FYN: variants seen among roughly 807,000 people sequenced by gnomAD.
FYN encodes the protein tyrosine-protein kinase Fyn.
Under a neutral mutation model 70.2 loss-of-function variants are expected in FYN, and 10 were observed. The ratio of observed to expected loss-of-function variants is 0.14; its 90% CI spans 0.09 to 0.24. The LOEUF is 0.24. Ranked by LOEUF, FYN falls within the 10% of genes least tolerant of loss-of-function variation. The pLI is 1.00. For synonymous variants in FYN, 236 were observed against 248.6 expected, an observed-to-expected ratio of 0.95 and a Z score of 0.48; for missense variants, 319 against 673.1, an observed-to-expected ratio of 0.47 and a Z score of 5.82.
chr6:111,738,592 C>T (rs928525945), intron 3 of FYN, among the ~76,000 whole-genome samples: 3 of 152,230 alleles, frequency 2.0e-5, no homozygotes, highest in African/African-American at 7.2e-5. Context: ...CAGCTGCCTG[C>T]TCTTCCCTCT....
intron 1 of FYN, among the ~76,000 whole-genome samples, chr6:111,851,125 A>G (rs1773674193): frequency 6.6e-6 from 1 of 152,190 alleles, no homozygotes; most frequent in Non-Finnish European, 1.5e-5. Flanking sequence ...AGACATTGGT[A>G]CTACCCCAGG....
At chr6:111,785,107 G>A (rs1473035280) in intron 2 of FYN, among the ~76,000 whole-genome samples, 1 of 152,182 alleles carries the variant, frequency 6.6e-6, no homozygotes, top group Non-Finnish European at 1.5e-5. Flanking sequence ...CTATCAAGGA[G>A]TGGAAGAACA....
chr6:111,869,144 C>G (rs1431912958), intron 1 of FYN, among the ~76,000 whole-genome samples: 1 of 152,186 alleles, frequency 6.6e-6, no homozygotes, highest in Non-Finnish European at 1.5e-5. Context: ...CTGTGGAGAA[C>G]AGGGACTACC....
rs935395775 is a variant in FYN, at chr6:111,796,940, T to C, written c.-81-16305A>G. On this transcript the variant is annotated intron_variant, in intron 2 of 13. Coordinates refer to ENST00000354650, the MANE Select transcript of FYN (RefSeq NM_002037.5). ...TCACCTGTCATGTGGTCATGTCTTA[T>C]CTGGAGGTTTTTCAATGGCAGGGGC... 3.3e-5 allele frequency among the ~76,000 whole-genome samples: 5 copies of C among 152,238 alleles called. No individual in the cohort carries two copies. The East Asian group carries it at 9.6e-4, about 29-fold the overall frequency.
At chr6:111,786,402 T>C (rs1376787155) in intron 2 of FYN, among the ~76,000 whole-genome samples, 2 of 152,262 alleles carry the variant, frequency 1.3e-5, no homozygotes, top group Admixed American at 6.5e-5. Context: ...TCCTTTTTTA[T>C]GGCTGCATAG....
chr6:111,695,953 A>G (rs770110129), intron 10 of FYN, among the ~76,000 whole-genome samples: 6 of 152,244 alleles, frequency 3.9e-5, no homozygotes, highest in Non-Finnish European at 7.3e-5. Flanking sequence ...TACTACATTC[A>G]AAATAACAGC....
rs1036954400 is a variant in FYN at position 111,670,124 on chromosome 6, A to G, written c.1405+4375T>C. 9.9e-5 allele frequency among the ~76,000 whole-genome samples: 15 copies of G among 152,252 alleles called. 1 individual carries two copies. Among genetic ancestry groups the G allele is most frequent in the East Asian group, 5.8e-4 (3 of 5,164 alleles). The stretch of plus-strand genomic sequence containing the variant: ...AGAAATCATGTCACTCTCCTGCTCA[A>G]ATCCCCTCACTTCCCACCTCACTAA... On this transcript the variant is annotated intron_variant, in intron 13 of 13. Coordinates refer to ENST00000354650, the MANE Select transcript of FYN (RefSeq NM_002037.5).
At chr6:111,804,878 C>A (rs1209957043) in intron 2 of FYN, among the ~76,000 whole-genome samples, 2 of 152,284 alleles carry the variant, frequency 1.3e-5, no homozygotes, top group Admixed American at 1.3e-4. Context: ...CTTCGCTGGT[C>A]ATTTCTCCTG....
At chr6:111,814,217 GT>G (rs1772414269) in intron 2 of FYN, 1 of 152,096 alleles carries the variant, frequency 6.6e-6, no homozygotes, top group Admixed American at 6.5e-5. Context: ...TTAGAAATAG[GT>G]CAAAATGATG....
intron 3 of FYN, among the ~76,000 whole-genome samples, chr6:111,743,013 C>T (rs572628214): frequency 6.7e-6 from 1 of 149,696 alleles, no homozygotes; most frequent in East Asian, 2.0e-4. Flanking sequence ...GTTGCCCAGG[C>T]TGGAGTGCAG....
chr6:111,743,792 G>A (rs1452733494), intron 3 of FYN, among the ~76,000 whole-genome samples: 1 of 152,192 alleles, frequency 6.6e-6, no homozygotes, highest in Non-Finnish European at 1.5e-5. Flanking sequence ...AGTGACTGTG[G>A]TCTCCTTGGT....
At chr6:111,796,919 C>T (rs769917789) in intron 2 of FYN, among the ~76,000 whole-genome samples, 32 of 152,174 alleles carry the variant, frequency 2.1e-4, no homozygotes, top group Non-Finnish European at 1.6e-4. Flanking sequence ...CCAGGTTCAC[C>T]TGTCATGTGG....
chr6:111,861,023 A>G (rs897990833), intron 1 of FYN, among the ~76,000 whole-genome samples: 1 of 152,208 alleles, frequency 6.6e-6, no homozygotes, highest in African/African-American at 2.4e-5. Context: ...TAAAACATGC[A>G]ACCAAAATCT....
At chr6:111,750,748 AG>A (rs1372812440) in intron 3 of FYN, among the ~76,000 whole-genome samples, 1 of 147,980 alleles carries the variant, frequency 6.8e-6, no homozygotes, top group Non-Finnish European at 1.5e-5. Context: ...CTAACATTGA[AG>A]GCAAGTTGGG....
chr6:111,747,252 G>A (rs181807643), intron 3 of FYN, among the ~76,000 whole-genome samples: 8 of 152,260 alleles, frequency 5.3e-5, no homozygotes, highest in Admixed American at 5.2e-4. Context: ...TAGCTACTTG[G>A]TGTGATTTTT....
intron 3 of FYN, among the ~76,000 whole-genome samples, chr6:111,748,186 A>C (rs1239287894): frequency 6.6e-6 from 1 of 152,252 alleles, no homozygotes; most frequent in Non-Finnish European, 1.5e-5. Context: ...GAAGATTGTT[A>C]ATTAGACTGA....
At chr6:111,844,598 G>C (rs1773463527) in intron 2 of FYN, among the ~76,000 whole-genome samples, 1 of 152,222 alleles carries the variant, frequency 6.6e-6, no homozygotes, top group East Asian at 1.9e-4. Flanking sequence ...GGTGCAGGCA[G>C]AGCCTTTCAG....
At chr6:111,672,980 GC>G (rs1199709345) in intron 13 of FYN, among the ~76,000 whole-genome samples, 1 of 152,132 alleles carries the variant, frequency 6.6e-6, no homozygotes, top group African/African-American at 2.4e-5. Flanking sequence ...ACAAAAAGCT[GC>G]TTTGTATTAC....
At chr6:111,837,917 T>C (rs56219129) in intron 2 of FYN, among the ~76,000 whole-genome samples, 1,962 of 152,334 alleles carry the variant, frequency 0.013, 17 homozygotes, top group Non-Finnish European at 0.021. Flanking sequence ...TCTGTTATCA[T>C]CACTGATCCA....
Sources: allele counts gnomAD v4.1 joint callset (sites outside exome capture counted in the v4.1 genomes callset), GRCh38; gene constraint gnomAD v4.1.1; transcripts MANE v1.5; gene names NCBI Gene and HGNC (gene_info 2026-07-23, HGNC 2026-07-21).